The following WDFY3 variants were observed in gnomAD, a reference collection of about 807,000 sequenced individuals.
WDFY3 encodes WD repeat and FYVE domain containing 3.
Under a neutral mutation model 409.6 loss-of-function variants are expected in WDFY3, and 66 were observed. The ratio of observed to expected loss-of-function variants is 0.16; its 90% CI spans 0.13 to 0.20. WDFY3 has a LOEUF of 0.20. Among genes scored for constraint, WDFY3 ranks in the 10% least tolerant of loss-of-function variants. WDFY3 has a pLI of 1.00. For missense variants in WDFY3, 3,031 were observed against 4,298.1 expected, an observed-to-expected ratio of 0.71 and a Z score of 8.24; for synonymous variants, 1,521 against 1,537.1, an observed-to-expected ratio of 0.99 and a Z score of 0.25.
intron 36 of WDFY3, among the ~76,000 whole-genome samples, chr4:84,746,078 C>T (rs914517798): frequency 3.5e-5 from 5 of 143,164 alleles, no homozygotes; most frequent in African/African-American, 1.1e-4. Context: ...GAGGCTAAGG[C>T]AGGTGGATTA....
chr4:84,821,415 G>A lies in WDFY3; in HGVS notation c.1260C>T (p.Ile420=), dbSNP rs1754035638. ...GTGACAATGTGTGCTGTGACTCTAG[G>A]ATGAAGTAATTGGCATTGTCAGCCA... is the stretch of plus-strand genomic sequence containing the variant. ...IYMADNANYF[I]LESQHTLSQF... Residue 420 remains isoleucine, a synonymous_variant, in exon 11 of 68, where the codon ATC becomes ATT. Coordinates refer to ENST00000295888, the MANE Select transcript of WDFY3 (RefSeq NM_014991.6). 1 of 1,613,780 alleles carries A rather than the reference G, an allele frequency of 6.2e-7. No individual in the cohort carries two copies. Among genetic ancestry groups the A allele is most frequent in the African/African-American group, 1.3e-5 (1 of 74,892 alleles).
At chr4:84,856,602 G>A (rs530298550) in intron 4 of WDFY3, among the ~76,000 whole-genome samples, 1 of 152,212 alleles carries the variant, frequency 6.6e-6, no homozygotes, top group South Asian at 2.1e-4. Context: ...GACAACAGGA[G>A]GCATTTCAAG....
intron 2 of WDFY3, among the ~76,000 whole-genome samples, chr4:84,926,690 G>C (rs1158653600): frequency 1.3e-5 from 2 of 152,078 alleles, no homozygotes; most frequent in African/African-American, 4.8e-5. Flanking sequence ...AATCTATGCA[G>C]TTCCAGAAGT....
At chr4:84,841,432 C>A (rs1449669279) in intron 5 of WDFY3, among the ~76,000 whole-genome samples, 169 bp from the exon 6 acceptor site, 2 of 152,148 alleles carry the variant, frequency 1.3e-5, no homozygotes, top group South Asian at 2.1e-4. Context: ...ATTCATAAAC[C>A]TTTATATCAT....
intron 1 of WDFY3, among the ~76,000 whole-genome samples, chr4:84,937,473 T>C (rs1382706345): frequency 6.6e-6 from 1 of 152,164 alleles, no homozygotes; most frequent in Non-Finnish European, 1.5e-5. Flanking sequence ...ATCTGACCAC[T>C]TCTCGCCACT....
In WDFY3 at chr4:84,713,713, G is replaced by C. The variant is rs6820999; in HGVS notation, c.7962-474C>G. The stretch of plus-strand genomic sequence containing the variant: ...GCCAGGATCTGTATCACCCTTCAAA[G>C]AACAAGAGAATGCCTCTCATCTACA... On this transcript the variant is annotated intron_variant, in intron 50 of 67. Transcript: ENST00000295888. 3.5e-3 allele frequency among the ~76,000 whole-genome samples: 537 copies of C among 152,282 alleles called. 6 individuals carry two copies. Among genetic ancestry groups the C allele is most frequent in the African/African-American group, 0.012 (509 of 41,558 alleles).
Position 84,691,922 on chromosome 4 carries a change from T to C in WDFY3, c.9050-137A>G, listed in dbSNP as rs899599355. 3.4e-6 allele frequency: 3 copies of C among 895,100 alleles called. No individual in the cohort carries two copies. In the South Asian group the frequency reaches 6.4e-5, roughly 19 times the overall value. The allele number at this position is 895,100 out of a possible 1,614,324, so 55.4% of individuals were successfully genotyped here. ...CGTTGAGAAAAAATGATCTCTGAAA[T>C]AGAGCTGGGCTTTTGAATCTCCTAC... On this transcript the variant is annotated intron_variant, in intron 59 of 67. Transcript: ENST00000295888.
At chr4:84,948,466 C>G (rs1414825764) in intron 1 of WDFY3, among the ~76,000 whole-genome samples, 1 of 152,190 alleles carries the variant, frequency 6.6e-6, no homozygotes, top group African/African-American at 2.4e-5. Context: ...CAAAGAATGT[C>G]AAGCCCAGCC....
At chr4:84,781,392 G>GTTTTT (rs1299711060) in intron 25 of WDFY3, among the ~76,000 whole-genome samples, 1 of 126,970 alleles carries the variant, frequency 7.9e-6, no homozygotes, top group African/African-American at 2.8e-5. Flanking sequence ...TTTCCCTTTT[G>GTTTTT]TTTTTTTTTT....
At chr4:84,698,885 A>G (rs1040308714) in intron 56 of WDFY3, among the ~76,000 whole-genome samples, 12 of 151,972 alleles carry the variant, frequency 7.9e-5, no homozygotes, top group Non-Finnish European at 1.6e-4. Flanking sequence ...ATGAGTTTTC[A>G]CCATGTTAGC....
chr4:84,740,794 C>A (rs996157166), intron 38 of WDFY3, among the ~76,000 whole-genome samples: 2 of 152,028 alleles, frequency 1.3e-5, no homozygotes, highest in Non-Finnish European at 2.9e-5. Flanking sequence ...TAAGATGTTA[C>A]TAAAATCATT....
chr4:84,777,874 A>T (rs935148696), intron 27 of WDFY3, among the ~76,000 whole-genome samples: 3 of 152,140 alleles, frequency 2.0e-5, no homozygotes, highest in Non-Finnish European at 4.4e-5. Flanking sequence ...TGTAAACAAG[A>T]AATTAAATGG....
At chr4:84,682,610 T>A (rs1302991169) in intron 63 of WDFY3, 140 bp from the exon 64 acceptor site, 5 of 707,566 alleles carry the variant, frequency 7.1e-6, no homozygotes, top group Non-Finnish European at 2.4e-6. Context: ...TTCCCGTATC[T>A]TGGAAGATGT....
At chr4:84,838,597 A>ATT (rs1257752535) in intron 6 of WDFY3, among the ~76,000 whole-genome samples, 1 of 152,194 alleles carries the variant, frequency 6.6e-6, no homozygotes, top group East Asian at 1.9e-4. Context: ...CTAATGCAAT[A>ATT]GTAGGGTGAT....
At chr4:84,789,562 T>C (rs778140124) in intron 22 of WDFY3, among the ~76,000 whole-genome samples, 164 bp downstream of exon 22, 2 of 152,010 alleles carry the variant, frequency 1.3e-5, no homozygotes, top group Non-Finnish European at 2.9e-5. Context: ...CACATGAGTC[T>C]AACATATTAT....
rs141794147 is a variant in WDFY3, at chr4:84,783,211, A to G, written c.4063-137T>C. ...TCAGAATACTGAAAAACGAGCATTT[A>G]GGTCCAGCCTGGTGGCTCATGCCTA... On this transcript the variant is annotated intron_variant, in intron 24 of 67. Coordinates refer to ENST00000295888, the MANE Select transcript of WDFY3 (RefSeq NM_014991.6). 7.5e-4 allele frequency: 585 copies of G among 784,316 alleles called. 3 individuals carry two copies. In the African/African-American group the frequency reaches 9.5e-3, roughly 13 times the overall value. 48.6% of individuals were successfully genotyped at this position (784,316 alleles called of 1,614,324 possible). A position where few individuals can be genotyped will look rare whatever the true frequency, so the allele number is the denominator to read the frequency against.
intron 51 of WDFY3, among the ~76,000 whole-genome samples, chr4:84,709,838 G>A (rs971698805): frequency 6.6e-6 from 1 of 151,974 alleles, no homozygotes; most frequent in Non-Finnish European, 1.5e-5. Flanking sequence ...GTGATTCTCT[G>A]GCCTCAGCCT....
chr4:84,741,657 T>C (rs1174753915), intron 38 of WDFY3, 104 bp downstream of exon 38: 1 of 1,274,412 alleles, frequency 7.8e-7, no homozygotes, highest in African/African-American at 1.5e-5. Context: ...TTCTTAAATG[T>C]TAACATTCAT....
chr4:84,856,357 G>C (rs1479578357), intron 4 of WDFY3, among the ~76,000 whole-genome samples: 1 of 152,136 alleles, frequency 6.6e-6, no homozygotes, highest in African/African-American at 2.4e-5. Context: ...AAATACTACA[G>C]TAATTAACAG....
Sources: allele counts gnomAD v4.1 joint callset (sites outside exome capture counted in the v4.1 genomes callset), GRCh38; gene constraint gnomAD v4.1.1; transcripts MANE v1.5; gene names NCBI Gene and HGNC (gene_info 2026-07-23, HGNC 2026-07-21).